ANAPC11: variants seen among roughly 807,000 people sequenced by gnomAD.
ANAPC11 encodes the protein anaphase promoting complex subunit 11, also known as anaphase-promoting complex subunit 11.
ANAPC11 carries 5 observed loss-of-function variants against 11.8 expected under a neutral mutation model. The observed-to-expected ratio is 0.42, with a 90% CI of 0.22 to 0.89. ANAPC11 has a LOEUF of 0.89. ANAPC11 is among the 40% of genes least tolerant of loss of function. The pLI is 0.28. For missense variants in ANAPC11, 68 were observed against 112.9 expected, an observed-to-expected ratio of 0.60 and a Z score of 1.80; for synonymous variants, 45 against 41.0, an observed-to-expected ratio of 1.10 and a Z score of -0.38.
At chr17:81,899,715 C>T (rs1253303388) in intron 3 of ANAPC11, 6 of 972,152 alleles carry the variant, frequency 6.2e-6, no homozygotes, top group Non-Finnish European at 7.5e-6. Flanking sequence ...TCCGGTGTCC[C>T]TTGGTCATTG....
chr17:81,899,306 G>C, intron 3 of ANAPC11: 1 of 1,613,378 alleles, frequency 6.2e-7, no homozygotes, highest in Non-Finnish European at 8.5e-7. Flanking sequence ...TGCCTGTCCT[G>C]GGAGGCAGGG....
Position 81,900,033 on chromosome 17 carries a change from A to G in ANAPC11, c.223A>G (p.Met75Val). 1.2e-6 allele frequency: 2 copies of G among 1,612,746 alleles called. No homozygotes were observed. The highest frequency in any genetic ancestry group is 8.5e-7 in the Non-Finnish European group (1 of 1,179,908). ...HAQQVQQHCP[M>V]CRQEWKFKE ...ACAGCAGGTGCAGCAGCACTGCCCC[A>G]TGTGCCGCCAGGAATGGAAGTTCAA... The change falls in exon 4 of 4, where the codon ATG becomes GTG. Residue 75 changes from methionine (M) to valine (V), a missense_variant. Transcript: ENST00000344877.
intron 1 of ANAPC11, chr17:81,893,039 C>T (rs1467487489): frequency 6.6e-6 from 1 of 150,834 alleles, no homozygotes; most frequent in African/African-American, 2.4e-5. Flanking sequence ...GAGACAGTCC[C>T]ACTATGTTGC....
chr17:81,899,571 C>G (rs539001186), intron 3 of ANAPC11: 2 of 1,602,072 alleles, frequency 1.2e-6, no homozygotes, highest in African/African-American at 1.3e-5. Context: ...TCCCCAGCCT[C>G]AAGCACAGGG....
chr17:81,890,868 G>A (rs1255815464), upstream of ANAPC11: 30 of 1,613,076 alleles, frequency 1.9e-5, no homozygotes, highest in Non-Finnish European at 2.5e-5. Context: ...CTCAGTCCAG[G>A]GCTTTCCTGA....
chr17:81,899,872 G>A, intron 3 of ANAPC11, 48 bp from the exon 4 acceptor site: 1 of 1,573,332 alleles, frequency 6.4e-7, no homozygotes. Context: ...CACATGCTCT[G>A]TGTCCAGCCT....
At chr17:81,892,636 C>T (rs926517278) in intron 1 of ANAPC11, among the ~76,000 whole-genome samples, 27 of 147,928 alleles carry the variant, frequency 1.8e-4, no homozygotes, top group Admixed American at 5.4e-4. Flanking sequence ...GAGTCTCCAG[C>T]GGCAGCCTCC....
At chr17:81,891,350 G>A, upstream of ANAPC11, 2 of 1,157,364 alleles carry the variant, frequency 1.7e-6, no homozygotes, top group Non-Finnish European at 1.1e-6. Context: ...GTCGGTTCCT[G>A]CCGCCTCCGC....
upstream of ANAPC11, chr17:81,891,472 C>G: frequency 8.8e-7 from 1 of 1,138,294 alleles, no homozygotes; most frequent in Non-Finnish European, 1.1e-6. Context: ...CCGGCCCGGC[C>G]GCGGCCCCGG....
chr17:81,896,857 G>A (rs139036307), intron 3 of ANAPC11, among the ~76,000 whole-genome samples: 1 of 116,432 alleles, frequency 8.6e-6, no homozygotes, highest in Non-Finnish European at 1.6e-5. Context: ...CTGTTGCTCA[G>A]ACTGGAGTGC....
intron 2 of ANAPC11, among the ~76,000 whole-genome samples, chr17:81,894,147 G>A (rs1444808547): frequency 6.6e-6 from 1 of 151,654 alleles, no homozygotes; most frequent in Non-Finnish European, 1.5e-5. Context: ...GTGGAGTCAC[G>A]TGCCTATAGC....
At chr17:81,891,461 G>A, upstream of ANAPC11, 1 of 1,082,274 alleles carries the variant, frequency 9.2e-7, no homozygotes, top group East Asian at 7.6e-5. Flanking sequence ...CGCCCTGGGA[G>A]CCGGCCCGGC....
intron 3 of ANAPC11, among the ~76,000 whole-genome samples, chr17:81,896,458 G>A (rs2039745433): frequency 6.6e-6 from 1 of 152,158 alleles, no homozygotes; most frequent in Non-Finnish European, 1.5e-5. Context: ...GTTTGATTAT[G>A]TTTAGGTTGA....
chr17:81,899,574 G>A, intron 3 of ANAPC11: 1 of 1,600,014 alleles, frequency 6.2e-7, no homozygotes, highest in Non-Finnish European at 8.5e-7. Flanking sequence ...CCAGCCTCAA[G>A]CACAGGGGAC....
At chr17:81,899,482 A>G (rs1344394105) in intron 3 of ANAPC11, 1 of 1,613,842 alleles carries the variant, frequency 6.2e-7, no homozygotes, top group Non-Finnish European at 8.5e-7. Flanking sequence ...TGCCTTGACC[A>G]TTCATGTGAC....
At chr17:81,891,268 C>T, upstream of ANAPC11, 1 of 1,099,700 alleles carries the variant, frequency 9.1e-7, no homozygotes, top group South Asian at 3.8e-5. Flanking sequence ...CGGCCCCGGC[C>T]CCAGCCCCGG....
At chr17:81,896,402 A>G (rs1356509664) in intron 3 of ANAPC11, among the ~76,000 whole-genome samples, 1 of 152,206 alleles carries the variant, frequency 6.6e-6, no homozygotes, top group African/African-American at 2.4e-5. Context: ...AGCCTGGGCA[A>G]CAAGAGTGAA....
At chr17:81,895,170 T>TGGGATCA (rs1164624380) in intron 3 of ANAPC11, among the ~76,000 whole-genome samples, 48 of 147,722 alleles carry the variant, frequency 3.2e-4, no homozygotes, top group Non-Finnish European at 3.0e-5. Flanking sequence ...TTCTCCTGCC[T>TGGGATCA]CAGCCTTCCA....
chr17:81,894,525 G>C lies in ANAPC11; in HGVS notation c.48G>C (p.Trp16Cys), dbSNP rs750414815. The C allele has an allele frequency of 6.2e-7, 1 of 1,613,048 alleles. No individual in the cohort carries two copies. Among genetic ancestry groups the C allele is most frequent in the Non-Finnish European group, 8.5e-7 (1 of 1,179,374 alleles). Residue 16 changes from tryptophan (W) to cysteine (C), a missense_variant, in exon 3 of 4, where the codon TGG becomes TGC. Physicochemically the swap from Trp to Cys is radical, Grantham distance 215. Transcript: ENST00000344877. ...GGAACGGCGTGGCCACTTGGCTCTG[G>C]GTGGCCAACGATGAGAACTGTGGCA... ...KCWNGVATWL[W>C]VANDENCGIC...
Sources: allele counts gnomAD v4.1 joint callset (sites outside exome capture counted in the v4.1 genomes callset), GRCh38; gene constraint gnomAD v4.1.1; transcripts MANE v1.5; gene names NCBI Gene and HGNC (gene_info 2026-07-23, HGNC 2026-07-21).